Variants in CDON observed in about 807,000 individuals in gnomAD.
The protein encoded by CDON is cell adhesion molecule-related/down-regulated by oncogenes.
Under a neutral mutation model 120.9 loss-of-function variants are expected in CDON, and 73 were observed. The ratio of observed to expected loss-of-function variants is 0.60; its 90% CI spans 0.50 to 0.73. The LOEUF (loss-of-function observed/expected upper bound fraction) is 0.73, where lower values mean the gene tolerates loss of function less well. Among genes scored for constraint, CDON ranks in the 30% least tolerant of loss-of-function variants. CDON has a pLI of 0.00. For missense variants in CDON, 1,470 were observed against 1,587.3 expected, an observed-to-expected ratio of 0.93 and a Z score of 1.26; for synonymous variants, 566 against 573.5, an observed-to-expected ratio of 0.99 and a Z score of 0.19.
At chr11:126,031,920 A>G (rs138872424) in intron 1 of CDON, among the ~76,000 whole-genome samples, 5 of 152,226 alleles carry the variant, frequency 3.3e-5, no homozygotes, top group African/African-American at 1.2e-4. Context: ...AGTGCATTTT[A>G]TTTAAGAACA....
At chr11:126,025,914 A>G (rs1220336316) in intron 1 of CDON, among the ~76,000 whole-genome samples, 1 of 152,068 alleles carries the variant, frequency 6.6e-6, no homozygotes, top group Non-Finnish European at 1.5e-5. Context: ...TTCTCCAGAT[A>G]TGGCCAATTC....
intron 1 of CDON, among the ~76,000 whole-genome samples, chr11:126,060,879 C>G (rs919707742): frequency 6.6e-6 from 1 of 152,170 alleles, no homozygotes; most frequent in African/African-American, 2.4e-5. Context: ...GATTTAGAAG[C>G]CAAGCTACAC....
Position 126,006,843 on chromosome 11 carries a change from T to C in CDON, c.1553-786A>G, listed in dbSNP as rs529527429. Among the ~76,000 whole-genome samples, 5 of 152,216 alleles carry C rather than the reference T, an allele frequency of 3.3e-5. No individual in the cohort carries two copies. The South Asian group carries it at 1.0e-3, about 32-fold the overall frequency. On this transcript the variant is annotated intron_variant, in intron 8 of 19. Coordinates refer to ENST00000531738, the MANE Select transcript of CDON (RefSeq NM_001378964.1). ...CAGTCAAAGATAATTACTGAGCACA[T>C]ATTATGTGCCAAGCATTGTACTATC...
intron 1 of CDON, among the ~76,000 whole-genome samples, chr11:126,040,175 G>A (rs539316220): frequency 2.0e-5 from 3 of 152,246 alleles, no homozygotes; most frequent in Admixed American, 2.0e-4. Flanking sequence ...CAGAGGGCCG[G>A]GGGGTATATG....
chr11:126,058,935 T>C (rs1948735088), intron 1 of CDON, among the ~76,000 whole-genome samples: 1 of 152,192 alleles, frequency 6.6e-6, no homozygotes, highest in Admixed American at 6.5e-5. Context: ...TGCAAAGTAA[T>C]GCCTCAGAAA....
chr11:126,015,059 A>T, intron 7 of CDON, 182 bp downstream of exon 7: 1 of 651,510 alleles, frequency 1.5e-6, no homozygotes. Context: ...GAGCTTGATT[A>T]ATAAGATTAC....
chr11:126,031,827 A>C (rs1947952352), intron 1 of CDON, among the ~76,000 whole-genome samples: 1 of 152,202 alleles, frequency 6.6e-6, no homozygotes, highest in Admixed American at 6.5e-5. Flanking sequence ...CTGACTCTAC[A>C]CCACCCGTGA....
At chr11:126,005,117 T>A (rs1005222962) in intron 9 of CDON, among the ~76,000 whole-genome samples, 15 of 152,104 alleles carry the variant, frequency 9.9e-5, no homozygotes, top group African/African-American at 3.6e-4. Flanking sequence ...CTGGCTAATA[T>A]GGCAAAACCC....
At chr11:126,000,746 G>A (rs1415186665) in intron 11 of CDON, among the ~76,000 whole-genome samples, 2 of 152,150 alleles carry the variant, frequency 1.3e-5, no homozygotes, top group African/African-American at 2.4e-5. Flanking sequence ...AAGATACAGA[G>A]GTGCTTCGGA....
intron 7 of CDON, among the ~76,000 whole-genome samples, chr11:126,013,536 A>AT (rs111615983): frequency 0.061 from 9,253 of 152,082 alleles, 346 homozygotes; most frequent in African/African-American, 0.11. Flanking sequence ...GCTAAGTTAC[A>AT]TTTTTTCCTC....
chr11:126,021,585 T>A, intron 2 of CDON, 65 bp from the exon 3 acceptor site: 5 of 1,097,484 alleles, frequency 4.6e-6, no homozygotes, highest in Non-Finnish European at 6.9e-6. Context: ...GAAAGAAGAT[T>A]ACATTAAACA....
chr11:125,993,743 C>T (rs1021941202), intron 14 of CDON, among the ~76,000 whole-genome samples: 3 of 152,164 alleles, frequency 2.0e-5, no homozygotes, highest in African/African-American at 7.2e-5. Context: ...CAGGGGCCAG[C>T]CAGGTCAGGT....
chr11:125,972,299 ACG>A (rs1252941667), intron 18 of CDON, among the ~76,000 whole-genome samples: 1 of 152,026 alleles, frequency 6.6e-6, no homozygotes, highest in African/African-American at 2.4e-5. Flanking sequence ...ATGGTGCCAC[ACG>A]CCTGTAATTC....
chr11:125,982,135 C>T (rs974474759), intron 16 of CDON, among the ~76,000 whole-genome samples: 24 of 140,980 alleles, frequency 1.7e-4, no homozygotes, highest in Non-Finnish European at 3.5e-4. Flanking sequence ...CCACCACATC[C>T]GGCTAATTCT....
intron 1 of CDON, among the ~76,000 whole-genome samples, chr11:126,037,932 A>G (rs1948145928): frequency 6.6e-6 from 1 of 152,202 alleles, no homozygotes; most frequent in Admixed American, 6.5e-5. Context: ...ATCTTACACT[A>G]TAGTTTTGCC....
chr11:126,030,711 T>C (rs1947920816), intron 1 of CDON, among the ~76,000 whole-genome samples: 1 of 152,184 alleles, frequency 6.6e-6, no homozygotes, highest in Non-Finnish European at 1.5e-5. Flanking sequence ...TACTTAAAAA[T>C]TCTTCATTAA....
chr11:126,010,964 T>C, intron 7 of CDON: 2 of 505,372 alleles, frequency 4.0e-6, no homozygotes, highest in South Asian at 3.1e-5. Flanking sequence ...TTGAGAGTTT[T>C]CTGAAGGTAC....
intron 18 of CDON, among the ~76,000 whole-genome samples, chr11:125,972,754 C>T (rs2134397646): frequency 6.6e-6 from 1 of 152,286 alleles, no homozygotes; most frequent in South Asian, 2.1e-4. Context: ...GAAAAAAGAA[C>T]CTGGAGTGGC....
In CDON at chr11:125,961,868, A is replaced by G. The variant is rs779284145; in HGVS notation, c.3487T>C (p.Ser1163Pro). The change falls in exon 19 of 20, where the codon TCC becomes CCC. Residue 1163 changes from serine to proline, a missense_variant. By Grantham distance (74) the Ser-to-Pro change is moderately conservative. Transcript: ENST00000531738. ...AACTGGCCACAATCAGGGACTGCGG[A>G]AGTCAGGCATACAGGCACCTTCACG... ...SHVKVPVCLT[S>P]AVPDCGQLPE... The G allele has an allele frequency of 1.1e-5, 17 of 1,614,218 alleles. No homozygotes were observed. The highest frequency in any genetic ancestry group is 1.4e-5 in the Non-Finnish European group (17 of 1,180,034).
Sources: gnomAD v4.1 joint callset for allele counts (sites outside exome capture counted in the v4.1 genomes callset) on GRCh38, gnomAD v4.1.1 for gene constraint, MANE v1.5 for transcripts, NCBI Gene and HGNC (gene_info 2026-07-23, HGNC 2026-07-21) for gene names.